The following PCDHGB1 variants were observed in gnomAD, a reference collection of about 807,000 sequenced individuals.
PCDHGB1 encodes protocadherin gamma subfamily B, 1.
PCDHGB1 carries 34 observed loss-of-function variants against 56.6 expected under a neutral mutation model. The observed-to-expected ratio is 0.60, with a 90% CI of 0.46 to 0.80. The LOEUF (loss-of-function observed/expected upper bound fraction) is 0.80. Ranked by LOEUF, PCDHGB1 falls within the 30% of genes least tolerant of loss-of-function variation. The pLI, the probability that PCDHGB1 is intolerant of heterozygous loss-of-function variation, is 0.00. For missense variants in PCDHGB1, 1,278 were observed against 1,204.6 expected (o/e 1.06, Z -0.90); for synonymous variants, 561 against 505.9 (o/e 1.11, Z -1.46).
intron 1 of PCDHGB1, chr5:141,372,781 T>C: frequency 6.2e-7 from 1 of 1,608,572 alleles, no homozygotes; most frequent in Non-Finnish European, 8.5e-7. Context: ...AATCCAGAAA[T>C]GCCTTCTAAT....
intron 1 of PCDHGB1, among the ~76,000 whole-genome samples, chr5:141,443,477 C>T (rs1279226136): frequency 6.6e-6 from 1 of 152,116 alleles, no homozygotes; most frequent in Non-Finnish European, 1.5e-5. Flanking sequence ...CAGAATTAGA[C>T]CCTGTCCCAA....
intron 1 of PCDHGB1, chr5:141,389,855 G>T: frequency 6.2e-7 from 1 of 1,614,060 alleles, no homozygotes; most frequent in Non-Finnish European, 8.5e-7. Context: ...CCACTGCCAC[G>T]TTGCACCTGG....
rs1177043977 is a variant in PCDHGB1, at chr5:141,491,919, C to G, written c.2410-2888C>G. On this transcript the variant is annotated intron_variant, in intron 1 of 3. Coordinates refer to ENST00000523390, the MANE Select transcript of PCDHGB1 (RefSeq NM_018922.3). The surrounding 1 kb of genome is among the most constrained non-coding windows in gnomAD (Gnocchi z 6.9). ...CACCGGGGGTGGTGGCGACTGTGGG[C>G]GAGGGGAGGTGGGACCGACCCCCAC... 5 of 1,361,900 alleles carry G rather than the reference C, an allele frequency of 3.7e-6. No homozygotes were observed. The South Asian group carries it at 7.8e-5, about 21-fold the overall frequency. The allele number at this position is 1,361,900 out of a possible 1,614,324, so 84.4% of individuals were successfully genotyped here. A position where few individuals can be genotyped will look rare whatever the true frequency, so the allele number is the denominator to read the frequency against.
At chr5:141,365,346 A>C (rs2149875174) in intron 1 of PCDHGB1, 1 of 1,613,970 alleles carries the variant, frequency 6.2e-7, no homozygotes, top group East Asian at 2.2e-5. Flanking sequence ...ACAGTACAGG[A>C]CGTGAATGAC....
chr5:141,375,597 T>C, intron 1 of PCDHGB1: 4 of 1,614,160 alleles, frequency 2.5e-6, no homozygotes, highest in Non-Finnish European at 3.4e-6. Flanking sequence ...TCCTCCTACG[T>C]GTCCATCAAC....
chr5:141,422,543 T>C lies in PCDHGB1; in HGVS notation c.2409+69874T>C, dbSNP rs2096655736. 1 of 1,613,882 alleles carries C rather than the reference T, an allele frequency of 6.2e-7. No homozygotes were observed. Among genetic ancestry groups the C allele is most frequent in the African/African-American group, 1.3e-5 (1 of 74,928 alleles). Reference sequence around the variant, plus strand: ...CCGCCTTTGTCTGCAGAAACTCATGTCTGGCTGAATGTGGCAGATGACAAC... The same window carrying C: ...CCGCCTTTGTCTGCAGAAACTCATGCCTGGCTGAATGTGGCAGATGACAAC... On this transcript the variant is annotated intron_variant, in intron 1 of 3. Coordinates refer to ENST00000523390, the MANE Select transcript of PCDHGB1 (RefSeq NM_018922.3).
At chr5:141,393,876 C>A in intron 1 of PCDHGB1, 1 of 1,613,862 alleles carries the variant, frequency 6.2e-7, no homozygotes, top group Non-Finnish European at 8.5e-7. Context: ...TTTGTTTAGC[C>A]CAGTGTTAGA....
At chr5:141,365,959 C>A in intron 1 of PCDHGB1, 1 of 1,614,262 alleles carries the variant, frequency 6.2e-7, no homozygotes, top group Non-Finnish European at 8.5e-7. Context: ...CTCCACTTAG[C>A]AGCAACGTGT....
intron 1 of PCDHGB1, among the ~76,000 whole-genome samples, chr5:141,425,036 G>A (rs574813328): frequency 1.3e-5 from 2 of 152,238 alleles, no homozygotes; most frequent in East Asian, 3.9e-4. Context: ...GTCATTAGTT[G>A]TAAACTGACT....
At chr5:141,367,992 G>T (rs973749117) in intron 1 of PCDHGB1, among the ~76,000 whole-genome samples, 1 of 152,088 alleles carries the variant, frequency 6.6e-6, no homozygotes, top group Non-Finnish European at 1.5e-5. Context: ...TAATAGATTT[G>T]TCTTAATGAA....
Position 141,477,187 on chromosome 5 carries a change from G to A in PCDHGB1, c.2410-17620G>A, listed in dbSNP as rs2154575648. ...CCCCGGAGATCACAGTCACCTCCGT[G>A]TACAGCCCAGTACCCGAGGATGCCC... On this transcript the variant is annotated intron_variant, in intron 1 of 3. Coordinates refer to ENST00000523390, the MANE Select transcript of PCDHGB1 (RefSeq NM_018922.3). The surrounding 1 kb of genome is among the most constrained non-coding windows in gnomAD (Gnocchi z 4.9). The A allele has an allele frequency of 6.2e-7, 1 of 1,614,190 alleles. No individual in the cohort carries two copies. The highest frequency in any genetic ancestry group is 2.2e-5 in the East Asian group (1 of 44,874).
At chr5:141,494,156 C>T (rs566096073) in intron 1 of PCDHGB1, among the ~76,000 whole-genome samples, 22 of 152,316 alleles carry the variant, frequency 1.4e-4, no homozygotes, top group African/African-American at 4.3e-4. Context: ...TTGTCTGGCA[C>T]GGAGTTCTAG....
intron 1 of PCDHGB1, among the ~76,000 whole-genome samples, chr5:141,462,736 T>C (rs2099045667): frequency 6.6e-6 from 1 of 152,274 alleles, no homozygotes; most frequent in South Asian, 2.1e-4. Flanking sequence ...TTGTCACCTC[T>C]GTAATTCCTA....
At chr5:141,488,259 C>T (rs1594750656) in intron 1 of PCDHGB1, among the ~76,000 whole-genome samples, 1 of 152,144 alleles carries the variant, frequency 6.6e-6, no homozygotes, top group African/African-American at 2.4e-5. Context: ...AAGGTTGGGG[C>T]GGGTTGGTCA....
chr5:141,423,551 A>T, intron 1 of PCDHGB1: 2 of 1,613,616 alleles, frequency 1.2e-6, no homozygotes, highest in Non-Finnish European at 1.7e-6. Context: ...CCCCAGCCCA[A>T]CTATGGGGAC....
At chr5:141,461,408 CAT>C (rs1491314585) in intron 1 of PCDHGB1, among the ~76,000 whole-genome samples, 2 of 151,994 alleles carry the variant, frequency 1.3e-5, no homozygotes, top group South Asian at 2.1e-4. Flanking sequence ...AGCATTTTTT[CAT>C]ATGTTTGTGG....
chr5:141,469,573 CTAAA>C (rs1209972534), intron 1 of PCDHGB1, among the ~76,000 whole-genome samples: 2 of 151,554 alleles, frequency 1.3e-5, no homozygotes, highest in Non-Finnish European at 2.9e-5. Flanking sequence ...GACTCTGTCT[CTAAA>C]TAAATAAATA....
chr5:141,489,405 G>A lies in PCDHGB1; in HGVS notation c.2410-5402G>A. ...ATGTTGCTCAGGATCTGGGCTTAAA[G>A]ATGACAGATCTGTTGAGCCGGCGGC... On this transcript the variant is annotated intron_variant, in intron 1 of 3. Transcript: ENST00000523390. This position sits in a 1 kb window ranked among gnomAD's most constrained non-coding sequence, Gnocchi z 4.5. The A allele has an allele frequency of 1.2e-6, 2 of 1,614,204 alleles. No individual in the cohort carries two copies. The highest frequency in any genetic ancestry group is 2.2e-5 in the South Asian group (2 of 91,088).
Position 141,351,488 on chromosome 5 carries a change from C to T in PCDHGB1, c.1228C>T (p.Gln410Ter). ...LVIAGALNREQTADYNVTIIA... is the reference protein window; with the variant it reads ...LVIAGALNRE Reference sequence around the variant, plus strand: ...GATTGCTGGAGCCCTAAACCGGGAGCAGACAGCAGACTACAACGTCACAAT... The same window carrying T: ...GATTGCTGGAGCCCTAAACCGGGAGTAGACAGCAGACTACAACGTCACAAT... The change falls in exon 1 of 4, where the codon CAG (glutamine) becomes TAG (stop). Residue 410 changes from glutamine to a stop codon, truncating the protein, a stop_gained. Transcript: ENST00000523390. LOFTEE classifies it high-confidence loss of function. 1 of 1,613,968 alleles carries T rather than the reference C, an allele frequency of 6.2e-7. No homozygotes were observed.
Sources: gnomAD v4.1 joint callset for allele counts (sites outside exome capture counted in the v4.1 genomes callset) on GRCh38, gnomAD v4.1.1 for gene constraint, Gnocchi (gnomAD v3.1) non-coding constraint, MANE v1.5 for transcripts, NCBI Gene and HGNC (gene_info 2026-07-23, HGNC 2026-07-21) for gene names.